Variants in EPAS1 observed in about 807,000 individuals in gnomAD.
EPAS1 encodes the protein endothelial PAS domain-containing protein 1.
Under a neutral mutation model 87.9 loss-of-function variants are expected in EPAS1, and 23 were observed. The observed-to-expected ratio is 0.26, with a 90% CI of 0.19 to 0.37. The LOEUF is 0.37. EPAS1 is among the 10% of genes least tolerant of loss of function. The pLI is 1.00. For missense variants in EPAS1, 1,138 were observed against 1,120.7 expected (o/e 1.02, Z -0.22); for synonymous variants, 508 against 444.3 (o/e 1.14, Z -1.80).
At chr2:46,308,462 G>A (rs1055795650) in intron 1 of EPAS1, among the ~76,000 whole-genome samples, 1 of 137,246 alleles carries the variant, frequency 7.3e-6, no homozygotes, top group African/African-American at 2.7e-5. Context: ...CTTTTTTTTG[G>A]GGGGGGGGGC....
chr2:46,335,093 G>T (rs1322257686), intron 1 of EPAS1, among the ~76,000 whole-genome samples: 1 of 152,078 alleles, frequency 6.6e-6, no homozygotes. Context: ...GGGAGAAGGG[G>T]TTATGAGGAT....
At chr2:46,379,874 T>C (rs2103671389) in intron 11 of EPAS1, 1 of 396,872 alleles carries the variant, frequency 2.5e-6, no homozygotes, top group Non-Finnish European at 4.8e-6. Flanking sequence ...AGGACAAGGA[T>C]AACCACCACA....
At chr2:46,329,537 C>T (rs1446255409) in intron 1 of EPAS1, among the ~76,000 whole-genome samples, 2 of 152,156 alleles carry the variant, frequency 1.3e-5, no homozygotes, top group Admixed American at 6.5e-5. Context: ...TTAAAACACA[C>T]ACACGGCCAG....
At chr2:46,333,231 C>A (rs1683723658) in intron 1 of EPAS1, among the ~76,000 whole-genome samples, 1 of 152,310 alleles carries the variant, frequency 6.6e-6, no homozygotes, top group African/African-American at 2.4e-5. Flanking sequence ...CTGATTTAAT[C>A]TTCATGCCAG....
chr2:46,308,901 A>G (rs1683161270), intron 1 of EPAS1, among the ~76,000 whole-genome samples: 1 of 152,186 alleles, frequency 6.6e-6, no homozygotes, highest in Non-Finnish European at 1.5e-5. Flanking sequence ...GTGTTTATAG[A>G]TGGTCTTCAG....
intron 1 of EPAS1, among the ~76,000 whole-genome samples, chr2:46,312,615 A>C (rs1683235412): frequency 1.3e-5 from 2 of 152,206 alleles, no homozygotes; most frequent in African/African-American, 4.8e-5. Flanking sequence ...ATTTGGCTGC[A>C]GTTGGAAGGC....
At chr2:46,337,456 C>T (rs962332332) in intron 1 of EPAS1, among the ~76,000 whole-genome samples, 5 of 152,204 alleles carry the variant, frequency 3.3e-5, no homozygotes, top group African/African-American at 1.2e-4. Flanking sequence ...CCCCTAGAGA[C>T]TGAAGTGGGG....
chr2:46,365,249 G>A (rs1315753136), intron 6 of EPAS1, among the ~76,000 whole-genome samples: 1 of 152,084 alleles, frequency 6.6e-6, no homozygotes, highest in Non-Finnish European at 1.5e-5. Context: ...AGGGGAAGAG[G>A]TTTCAAAATT....
chr2:46,351,503 G>C (rs952147151), intron 2 of EPAS1, among the ~76,000 whole-genome samples: 1 of 152,132 alleles, frequency 6.6e-6, no homozygotes, highest in African/African-American at 2.4e-5. Context: ...TCCAGTAAGC[G>C]ATCCCAGAGT....
At chr2:46,364,868 G>A (rs895945615) in intron 6 of EPAS1, among the ~76,000 whole-genome samples, 3 of 152,164 alleles carry the variant, frequency 2.0e-5, no homozygotes, top group Admixed American at 2.0e-4. Context: ...ATGTAACTGT[G>A]TGCCAGAGAC....
chr2:46,336,689 C>T (rs774064665), intron 1 of EPAS1, among the ~76,000 whole-genome samples: 22 of 152,220 alleles, frequency 1.4e-4, no homozygotes, highest in Non-Finnish European at 2.9e-4. Flanking sequence ...ATGGCATCTT[C>T]AGTCTCAAGA....
At chr2:46,356,885 G>C in intron 4 of EPAS1, 77 bp downstream of exon 4, 1 of 1,067,572 alleles carries the variant, frequency 9.4e-7, no homozygotes, top group African/African-American at 1.6e-5. Context: ...CGGGTATAAG[G>C]GAGATAGCTC....
Position 46,378,703 on chromosome 2 carries a change from A to C in EPAS1, c.1490A>C (p.Lys497Thr), listed in dbSNP as rs1390015848. ...TACACATCTTTGGATAACGACCTGAAGATTGAAGTGATTGAGAAGCTCTTC... is the reference window on the plus strand; with the variant it reads ...TACACATCTTTGGATAACGACCTGACGATTGAAGTGATTGAGAAGCTCTTC... ...DYYTSLDNDLKIEVIEKLFAM... is the reference protein window; with the variant it reads ...DYYTSLDNDLTIEVIEKLFAM... Residue 497 changes from lysine to threonine, a missense_variant, in exon 11 of 16, where the codon AAG becomes ACG. Transcript: ENST00000263734. The C allele has an allele frequency of 6.2e-7, 1 of 1,614,210 alleles. No individual in the cohort carries two copies. The highest frequency in any genetic ancestry group is 8.5e-7 in the Non-Finnish European group (1 of 1,180,030).
At position 46,381,602 on chromosome 2, in the gene EPAS1, A is replaced by G. The variant is rs1273860928; in HGVS notation, c.2052A>G (p.Ala684=). ...PHVSTFKTRS[A]KGFGARGPDV... is the part of the protein sequence containing the mutation. ...GCTCTCTCGGGCTTGGCAGGTCTGC[A>G]AAGGGTTTTGGGGCTCGAGGCCCAG... is the stretch of plus-strand genomic sequence containing the variant. Residue 684 remains alanine, a synonymous_variant, in exon 13 of 16, where the codon GCA becomes GCG. Transcript: ENST00000263734. The G allele has an allele frequency of 2.5e-6, 4 of 1,613,832 alleles. No homozygotes were observed. The highest frequency in any genetic ancestry group is 2.2e-5 in the South Asian group (2 of 91,088).
rs370619221 is a variant in EPAS1, at chr2:46,380,483, T to C, written c.1811T>C (p.Met604Thr). ...AAGACAGAGCCCGAGCACCGGCCCA[T>C]GTCCTCCATCTTCTTTGATGCCGGA... ...SKKTEPEHRP[M>T]SSIFFDAGSK... Residue 604 changes from methionine (M) to threonine (T), a missense_variant, in exon 12 of 16, where the codon ATG becomes ACG. Physicochemically the swap from Met to Thr is moderately conservative, Grantham distance 81. Around this residue, in one of 4 missense-constraint regions of EPAS1, gnomAD observed 502 missense variants for 427.1 expected, o/e 1.18. Coordinates refer to ENST00000263734, the MANE Select transcript of EPAS1 (RefSeq NM_001430.5). This position sits in a 1 kb window ranked among gnomAD's most constrained non-coding sequence, Gnocchi z 4.4. 3.1e-6 allele frequency: 5 copies of C among 1,614,162 alleles called. No homozygotes were observed. Among genetic ancestry groups the C allele is most frequent in the Admixed American group, 3.3e-5 (2 of 60,024 alleles).
intron 2 of EPAS1, among the ~76,000 whole-genome samples, chr2:46,348,311 G>C (rs1684079893): frequency 6.6e-6 from 1 of 152,182 alleles, no homozygotes; most frequent in African/African-American, 2.4e-5. Context: ...CATGATCCTA[G>C]ATGCTGCAAA....
intron 1 of EPAS1, among the ~76,000 whole-genome samples, chr2:46,304,385 T>G (rs1183868887): frequency 6.6e-6 from 1 of 152,184 alleles, no homozygotes; most frequent in Non-Finnish European, 1.5e-5. Context: ...GAGTCTATAC[T>G]CTCAATGGGT....
In EPAS1 at chr2:46,347,381, G is replaced by T. The variant is rs191664280; in HGVS notation, c.217+318G>T. On this transcript the variant is annotated intron_variant, in intron 2 of 15. Transcript: ENST00000263734. The surrounding 1 kb of genome is among the most constrained non-coding windows in gnomAD (Gnocchi z 4.2). ...TGACTTCTCAATTTGTTGCCATCTG[G>T]CCATAAGACCCATCCTCCACACTAG... is the stretch of plus-strand genomic sequence containing the variant. The T allele has an allele frequency of 1.6e-3, 713 of 438,334 alleles. 2 individuals carry two copies. Among genetic ancestry groups the T allele is most frequent in the Non-Finnish European group, 2.7e-3 (643 of 234,490 alleles). The allele number at this position is 438,334 out of a possible 1,614,324, so 27.2% of individuals were successfully genotyped here.
intron 1 of EPAS1, among the ~76,000 whole-genome samples, chr2:46,305,140 T>G (rs1296448695): frequency 6.6e-6 from 1 of 152,188 alleles, no homozygotes; most frequent in Non-Finnish European, 1.5e-5. Context: ...AATTTTCAAG[T>G]AGATGTTGGG....
Sources: allele counts gnomAD v4.1 joint callset (sites outside exome capture counted in the v4.1 genomes callset), GRCh38; gene constraint gnomAD v4.1.1; regional missense constraint gnomAD v4.1.1; non-coding constraint Gnocchi (gnomAD v3.1); transcripts MANE v1.5; gene names NCBI Gene and HGNC (gene_info 2026-07-23, HGNC 2026-07-21).